ANKS1B: variants seen among roughly 807,000 people sequenced by gnomAD.
The protein encoded by ANKS1B is ankyrin repeat and sterile alpha motif domain containing 1B.
A neutral mutation model predicts 148.3 loss-of-function variants in ANKS1B; 36 were observed. That is an observed-to-expected ratio of 0.24 (90% CI 0.19 to 0.32). The LOEUF is 0.32. ANKS1B is among the 10% of genes least tolerant of loss of function. ANKS1B has a pLI of 1.00. For missense variants in ANKS1B, 1,157 were observed against 1,542.6 expected (o/e 0.75, Z 4.19); for synonymous variants, 542 against 560.8 (o/e 0.97, Z 0.47).
rs575186663 is a variant in ANKS1B, at chr12:99,396,670, C to T, written c.1756+2961G>A. Reference sequence around the variant, plus strand: ...AAAATGTGTTTGTTCTGATCCTCTGCTTCTGGTGGTCAGTTTCAGAGTGGA... The same window carrying T: ...AAAATGTGTTTGTTCTGATCCTCTGTTTCTGGTGGTCAGTTTCAGAGTGGA... On this transcript the variant is annotated intron_variant, in intron 12 of 26. Transcript: ENST00000683438. Among the ~76,000 whole-genome samples, 369 of 152,278 alleles carry T rather than the reference C, an allele frequency of 2.4e-3. 4 individuals are homozygous for T. The highest frequency in any genetic ancestry group is 0.017 in the Middle Eastern group (5 of 294).
intron 1 of ANKS1B, among the ~76,000 whole-genome samples, chr12:99,877,097 C>G (rs895092823): frequency 2.6e-5 from 4 of 152,178 alleles, no homozygotes; most frequent in African/African-American, 4.8e-5. Flanking sequence ...ACTTCACCCC[C>G]CCACCCCAGT....
At chr12:99,758,222 A>G (rs1379744853) in intron 8 of ANKS1B, among the ~76,000 whole-genome samples, 2 of 151,974 alleles carry the variant, frequency 1.3e-5, no homozygotes, top group Non-Finnish European at 2.9e-5. Context: ...TTGCAAAGAA[A>G]GGAACAAAAA....
At chr12:99,811,899 T>C (rs1353093040) in intron 3 of ANKS1B, among the ~76,000 whole-genome samples, 5 of 151,910 alleles carry the variant, frequency 3.3e-5, no homozygotes, top group Non-Finnish European at 5.9e-5. Flanking sequence ...GCTGATTATA[T>C]AAGACAGGCA....
intron 17 of ANKS1B, among the ~76,000 whole-genome samples, chr12:99,013,675 C>T (rs567862938): frequency 1.3e-4 from 20 of 152,214 alleles, no homozygotes; most frequent in South Asian, 2.1e-4. Context: ...TCTCAGGATA[C>T]GAAATCAATG....
At chr12:99,764,910 G>A (rs1005284237) in intron 8 of ANKS1B, among the ~76,000 whole-genome samples, 6 of 152,084 alleles carry the variant, frequency 3.9e-5, no homozygotes, top group Non-Finnish European at 2.9e-5. Context: ...GGCACTTAAG[G>A]CATACTGACT....
intron 3 of ANKS1B, among the ~76,000 whole-genome samples, 176 bp from the exon 4 acceptor site, chr12:99,806,876 CAA>C (rs146379858): frequency 6.6e-6 from 1 of 151,480 alleles, no homozygotes; most frequent in African/African-American, 2.4e-5. Context: ...TTCATTGAAT[CAA>C]AAAAAAATTT....
chr12:99,384,071 A>G (rs561604161), intron 12 of ANKS1B, among the ~76,000 whole-genome samples: 49 of 152,232 alleles, frequency 3.2e-4, no homozygotes, highest in African/African-American at 1.2e-3. Context: ...ACATTTTCTA[A>G]TGAACTCTCA....
At chr12:99,107,144 T>A (rs183343165) in intron 15 of ANKS1B, among the ~76,000 whole-genome samples, 1 of 151,880 alleles carries the variant, frequency 6.6e-6, no homozygotes, top group Admixed American at 6.6e-5. Flanking sequence ...AATACATGCA[T>A]CTTTAATATT....
At chr12:99,767,671 T>C (rs1374570008) in intron 8 of ANKS1B, among the ~76,000 whole-genome samples, 2 of 152,104 alleles carry the variant, frequency 1.3e-5, no homozygotes, top group Non-Finnish European at 2.9e-5. Context: ...TTCTTCAAAA[T>C]TTACATTCTA....
intron 9 of ANKS1B, among the ~76,000 whole-genome samples, chr12:99,527,381 C>G (rs2096937359): frequency 6.6e-6 from 1 of 152,062 alleles, no homozygotes; most frequent in Admixed American, 6.6e-5. Flanking sequence ...AAATCACGTA[C>G]CCTTTAATAA....
At chr12:99,279,098 C>T (rs1023037834) in intron 12 of ANKS1B, among the ~76,000 whole-genome samples, 4 of 152,130 alleles carry the variant, frequency 2.6e-5, no homozygotes, top group Admixed American at 6.5e-5. Flanking sequence ...TTCACTGACT[C>T]GTTGACTCAC....
At chr12:99,058,776 C>G (rs1351543123) in intron 16 of ANKS1B, among the ~76,000 whole-genome samples, 1 of 118,390 alleles carries the variant, frequency 8.4e-6, no homozygotes, top group Non-Finnish European at 1.6e-5. Flanking sequence ...CTCGCTCTGT[C>G]GCCCAGGCTG....
At chr12:99,096,630 A>G (rs967796796) in intron 15 of ANKS1B, among the ~76,000 whole-genome samples, 18 of 152,152 alleles carry the variant, frequency 1.2e-4, no homozygotes, top group African/African-American at 3.9e-4. Context: ...TGAAGGGAAA[A>G]TTTGTATCAG....
At chr12:99,117,725 G>T (rs1460850415) in intron 15 of ANKS1B, among the ~76,000 whole-genome samples, 1 of 152,208 alleles carries the variant, frequency 6.6e-6, no homozygotes, top group African/African-American at 2.4e-5. Flanking sequence ...ATGAGTTAGG[G>T]AGGAGTCCCT....
chr12:98,877,090 G>A (rs142200857), intron 17 of ANKS1B, among the ~76,000 whole-genome samples: 1 of 152,284 alleles, frequency 6.6e-6, no homozygotes, highest in Non-Finnish European at 1.5e-5. Flanking sequence ...GCCAGTTGGG[G>A]TCTGAGTGAC....
At chr12:99,965,995 G>T (rs1215524543) in intron 1 of ANKS1B, among the ~76,000 whole-genome samples, 4 of 151,946 alleles carry the variant, frequency 2.6e-5, no homozygotes, top group Non-Finnish European at 5.9e-5. Context: ...CCAAAGTGAG[G>T]GACATCTTAT....
intron 14 of ANKS1B, among the ~76,000 whole-genome samples, chr12:99,183,931 C>A (rs2079459571): frequency 1.3e-5 from 2 of 152,146 alleles, no homozygotes; most frequent in African/African-American, 4.8e-5. Context: ...AGGTTAATGA[C>A]AATATGCAAT....
chr12:99,768,582 C>T lies in ANKS1B; in HGVS notation c.1128+4340G>A, dbSNP rs552911419. Among the ~76,000 whole-genome samples, 15 of 152,180 alleles carry T rather than the reference C, an allele frequency of 9.9e-5. No homozygotes were observed. In the South Asian group the frequency reaches 3.1e-3, roughly 32 times the overall value. The stretch of plus-strand genomic sequence containing the variant: ...GTGGCTCACACCTGTAATCCCAGCA[C>T]TTTGGGAAGCCGAGGCAGGCAGATC... On this transcript the variant is annotated intron_variant, in intron 8 of 26. Coordinates refer to ENST00000683438, the MANE Select transcript of ANKS1B (RefSeq NM_001352186.2).
intron 17 of ANKS1B, among the ~76,000 whole-genome samples, chr12:98,872,585 G>A (rs984076401): frequency 6.6e-6 from 1 of 152,028 alleles, no homozygotes; most frequent in African/African-American, 2.4e-5. Flanking sequence ...GGGGCATTAG[G>A]GTAAGCCCTA....
Sources: gnomAD v4.1 joint callset for allele counts (sites outside exome capture counted in the v4.1 genomes callset) on GRCh38, gnomAD v4.1.1 for gene constraint, MANE v1.5 for transcripts, NCBI Gene and HGNC (gene_info 2026-07-23, HGNC 2026-07-21) for gene names.